FRMPD3: variants seen among roughly 807,000 people sequenced by gnomAD.
The protein encoded by FRMPD3 is FERM and PDZ domain containing 3.
A neutral mutation model predicts 97.9 loss-of-function variants in FRMPD3; 42 were observed. The ratio of observed to expected loss-of-function variants is 0.43; its 90% confidence interval spans 0.34 to 0.55. FRMPD3 has a LOEUF of 0.55. FRMPD3 is among the 20% of genes least tolerant of loss of function. The probability of loss-of-function intolerance (pLI) is 0.03; values close to 1 mark genes in which losing one functional copy is unlikely to be tolerated. For synonymous variants in FRMPD3, 577 were observed against 581.1 expected (o/e 0.99, Z 0.10); for missense variants, 1,303 against 1,457.7 (o/e 0.89, Z 1.73).
intron 1 of FRMPD3, among the ~76,000 whole-genome samples, chrX:107,524,844 T>G (rs960618790): frequency 5.5e-5 from 6 of 109,177 alleles, no homozygotes; most frequent in Non-Finnish European, 1.1e-4. Context: ...AATATAAAAA[T>G]TAGCCAGGCA....
chrX:107,553,140 A>G (rs1435992102), intron 7 of FRMPD3, among the ~76,000 whole-genome samples: 1 of 110,110 alleles, frequency 9.1e-6, no homozygotes, highest in Non-Finnish European at 1.9e-5. Flanking sequence ...CTTGGTCTCT[A>G]GGGGGAAGAG....
At chrX:107,463,421 C>T in intron 1 of FRMPD3, among the ~76,000 whole-genome samples, 1 of 112,394 alleles carries the variant, frequency 8.9e-6, no homozygotes, top group South Asian at 3.7e-4. Context: ...AGTTACTTAA[C>T]CTCTCTGAGA....
Position 107,597,941 on chromosome X carries a change from G to C in FRMPD3, c.2062G>C (p.Val688Leu), listed in dbSNP as rs1924285376. 2.5e-6 allele frequency: 3 copies of C among 1,210,863 alleles called. No homozygotes were observed. The highest frequency in any genetic ancestry group is 2.2e-6 in the Non-Finnish European group (2 of 895,435). The change falls in exon 14 of 15, where the codon GTC (valine) becomes CTC (leucine). Residue 688 changes from valine (V) to leucine (L), a missense_variant. Val to Leu is a conservative substitution (Grantham distance 32, BLOSUM62 1). Transcript: ENST00000683843. ...TGAGGATGACCCCAAGCGCCGGGCTGTCCAGAGCCAGGAACAAGGACGCCA... is the reference window on the plus strand; with the variant it reads ...TGAGGATGACCCCAAGCGCCGGGCTCTCCAGAGCCAGGAACAAGGACGCCA... ...SDEDDPKRRA[V>L]QSQEQGRHLR... is the part of the protein sequence containing the mutation.
intron 1 of FRMPD3, among the ~76,000 whole-genome samples, chrX:107,454,841 A>G (rs1012741053): frequency 2.7e-5 from 3 of 109,347 alleles, no homozygotes; most frequent in Admixed American, 9.6e-5. Flanking sequence ...AATGTGTCTT[A>G]AAATTGCTTG....
At chrX:107,450,562 C>CCACACA (rs561898459) in intron 1 of FRMPD3, among the ~76,000 whole-genome samples, 920 of 84,232 alleles carry the variant, frequency 0.011, 9 homozygotes, top group African/African-American at 0.026. Context: ...CATGCAAAGA[C>CCACACA]CACACACACA....
intron 12 of FRMPD3, among the ~76,000 whole-genome samples, chrX:107,574,169 G>A (rs1230299946): frequency 8.9e-6 from 1 of 111,760 alleles, no homozygotes. Context: ...TTCAGCGAGC[G>A]CTGTGGCTCA....
chrX:107,476,408 C>G (rs770734642), intron 1 of FRMPD3, among the ~76,000 whole-genome samples: 75 of 112,269 alleles, frequency 6.7e-4, no homozygotes, highest in African/African-American at 2.3e-3. Flanking sequence ...ATAATTTATC[C>G]CATTTCGTCA....
intron 12 of FRMPD3, among the ~76,000 whole-genome samples, chrX:107,571,974 G>A (rs1344726954): frequency 8.9e-6 from 1 of 112,581 alleles, no homozygotes; most frequent in Admixed American, 9.4e-5. Context: ...GACATTCTAC[G>A]TTTGGGTAGC....
At position 107,560,832 on chromosome X, in the gene FRMPD3, A is replaced by T. The variant is rs1922329252; in HGVS notation, c.1005A>T (p.Thr335=). ...SLSQQLKAHQ[T]HPSCGTKGSA... is the part of the protein sequence containing the mutation. Reference sequence around the variant, plus strand: ...CTCAGCAACTGAAGGCTCACCAAACACATCCTTCCTGCGGCACCAAGGTAT... The same window carrying T: ...CTCAGCAACTGAAGGCTCACCAAACTCATCCTTCCTGCGGCACCAAGGTAT... The change falls in exon 10 of 15, where the codon ACA becomes ACT. Residue 335 remains threonine, a synonymous_variant. Transcript: ENST00000683843. 1 of 1,194,342 alleles carries T rather than the reference A, an allele frequency of 8.4e-7. No individual in the cohort carries two copies.
intron 12 of FRMPD3, among the ~76,000 whole-genome samples, chrX:107,568,905 AAGAGAGAGAG>A (rs112583276): frequency 9.7e-5 from 10 of 103,216 alleles, no homozygotes; most frequent in Middle Eastern, 4.4e-3. Flanking sequence ...ACAAAAATGA[AAGAGAGAGAG>A]AGAGAGAGAG....
chrX:107,510,986 T>C (rs1278794694), intron 1 of FRMPD3, among the ~76,000 whole-genome samples: 1 of 112,349 alleles, frequency 8.9e-6, no homozygotes, highest in African/African-American at 3.2e-5. Context: ...CTGCATCATC[T>C]CAGGCAAGAG....
intron 7 of FRMPD3, 86 bp downstream of exon 7, chrX:107,553,012 T>C (rs761096600): frequency 2.0e-4 from 199 of 976,019 alleles, no homozygotes; most frequent in Admixed American, 1.6e-3. Context: ...AAATTTATAA[T>C]GATATGCTCA....
intron 13 of FRMPD3, among the ~76,000 whole-genome samples, chrX:107,588,542 C>T (rs779229298): frequency 8.9e-6 from 1 of 112,371 alleles, no homozygotes; most frequent in East Asian, 2.8e-4. Flanking sequence ...GCGTGAGCCA[C>T]TGCACCCAGC....
At chrX:107,522,510 G>T (rs1404356501) in intron 1 of FRMPD3, 1 of 536,001 alleles carries the variant, frequency 1.9e-6, no homozygotes, top group South Asian at 2.5e-5. Flanking sequence ...AGGGGGTGCT[G>T]CAATTGTGGG....
intron 13 of FRMPD3, among the ~76,000 whole-genome samples, chrX:107,582,329 A>G (rs1325473306): frequency 3.6e-5 from 4 of 111,396 alleles, no homozygotes; most frequent in Admixed American, 2.9e-4. Flanking sequence ...GATTACAGGC[A>G]TGTGCCACCA....
intron 2 of FRMPD3, among the ~76,000 whole-genome samples, chrX:107,528,309 C>G (rs920725210): frequency 2.7e-5 from 3 of 111,803 alleles, no homozygotes; most frequent in Non-Finnish European, 5.6e-5. Flanking sequence ...TATGGTTGAT[C>G]AAGCCAACAA....
At chrX:107,457,885 T>C (rs1234160482) in intron 1 of FRMPD3, among the ~76,000 whole-genome samples, 1 of 111,783 alleles carries the variant, frequency 8.9e-6, no homozygotes, top group Non-Finnish European at 1.9e-5. Flanking sequence ...CCCCCCTCCC[T>C]GCTCTTTCTC....
chrX:107,597,235 C>A, intron 13 of FRMPD3, 86 bp from the exon 14 acceptor site: 1 of 837,680 alleles, frequency 1.2e-6, no homozygotes, highest in Non-Finnish European at 1.7e-6. Context: ...GATTGTGCTA[C>A]AGAGACATGG....
At chrX:107,457,700 G>A (rs1325096616) in intron 1 of FRMPD3, among the ~76,000 whole-genome samples, 1 of 111,872 alleles carries the variant, frequency 8.9e-6, no homozygotes, top group Non-Finnish European at 1.9e-5. Flanking sequence ...GATATTCACT[G>A]GACTCTGACA....
Sources: allele counts gnomAD v4.1 joint callset (sites outside exome capture counted in the v4.1 genomes callset), GRCh38; gene constraint gnomAD v4.1.1; transcripts MANE v1.5; gene names NCBI Gene and HGNC (gene_info 2026-07-23, HGNC 2026-07-21).